The following COL5A2 variants were observed in gnomAD, a reference collection of about 807,000 sequenced individuals.
The protein encoded by COL5A2 is collagen alpha-2(V) chain.
In COL5A2, 23 loss-of-function variants were observed where a neutral mutation model predicts 208.2. The observed-to-expected ratio is 0.11, with a 90% CI of 0.08 to 0.16. COL5A2 has a LOEUF of 0.16. COL5A2 is among the 10% of genes least tolerant of loss of function. COL5A2 has a pLI of 1.00. For missense variants in COL5A2, 1,590 were observed against 1,956.4 expected, an observed-to-expected ratio of 0.81 and a Z score of 3.53; for synonymous variants, 625 against 628.5, an observed-to-expected ratio of 0.99 and a Z score of 0.08.
chr2:189,356,899 T>C, the COL5A2 span, among the ~76,000 whole-genome samples: 6 of 152,214 alleles, frequency 3.9e-5, no homozygotes, highest in African/African-American at 1.4e-4. Context: ...TTGATGTTGG[T>C]GACCTTCAGA....
chr2:189,068,544 G>A (rs999861289), intron 19 of COL5A2, among the ~76,000 whole-genome samples: 1 of 152,046 alleles, frequency 6.6e-6, no homozygotes, highest in African/African-American at 2.4e-5. Context: ...TTTCAAAATA[G>A]CTAGAAAAAG....
the COL5A2 span, among the ~76,000 whole-genome samples, chr2:189,285,985 G>A: frequency 2.0e-5 from 3 of 151,700 alleles, no homozygotes; most frequent in Non-Finnish European, 4.4e-5. Flanking sequence ...AAATGTCTCT[G>A]ACACTACCTT....
the COL5A2 span, among the ~76,000 whole-genome samples, chr2:189,395,702 G>A: frequency 6.6e-6 from 1 of 151,514 alleles, no homozygotes; most frequent in African/African-American, 2.4e-5. Flanking sequence ...TCAGGAGTTC[G>A]AAATCATCCT....
At chr2:189,206,456 A>G (rs1482526254) in intron 1 of COL5A2, among the ~76,000 whole-genome samples, 2 of 152,202 alleles carry the variant, frequency 1.3e-5, no homozygotes, top group Admixed American at 6.5e-5. Flanking sequence ...GCTGAGGCAC[A>G]AATAGTAGTT....
chr2:189,375,253 G>A, the COL5A2 span, among the ~76,000 whole-genome samples: 88,711 of 151,862 alleles, frequency 0.58, 27,071 homozygotes, highest in East Asian at 0.69. Flanking sequence ...TCCTGACCTC[G>A]TGATCCGCCC....
At position 189,039,265 on chromosome 2, in the gene COL5A2, T is replaced by C; in HGVS notation, c.3925+7A>G. 1 of 1,613,790 alleles carries C rather than the reference T, an allele frequency of 6.2e-7. No homozygotes were observed. Among genetic ancestry groups the C allele is most frequent in the East Asian group, 2.2e-5 (1 of 44,876 alleles). ...GGTTTTGCTCAAATGGGCTGCTGTC[T>C]ACTCACCACTCTGCTTTGCGGAATG... On this transcript the variant is annotated splice_region_variant and intron_variant, in intron 51 of 53. Coordinates refer to ENST00000374866, the MANE Select transcript of COL5A2 (RefSeq NM_000393.5).
At position 189,045,241 on chromosome 2, in the gene COL5A2, A is replaced by T; in HGVS notation, c.3310-9T>A. The T allele has an allele frequency of 6.2e-7, 1 of 1,601,694 alleles. No homozygotes were observed. Among genetic ancestry groups the T allele is most frequent in the Non-Finnish European group, 8.5e-7 (1 of 1,172,886 alleles). On this transcript the variant is annotated splice_polypyrimidine_tract_variant and intron_variant, in intron 46 of 53. Transcript: ENST00000374866. ...ATAGGACCCCGAGAACCCTAAAAGAAATTTACAACAAAAAAAATTGGCATG... is the reference window on the plus strand; with the variant it reads ...ATAGGACCCCGAGAACCCTAAAAGATATTTACAACAAAAAAAATTGGCATG...
the COL5A2 span, among the ~76,000 whole-genome samples, chr2:189,335,768 G>A: frequency 6.6e-6 from 1 of 152,008 alleles, no homozygotes; most frequent in African/African-American, 2.4e-5. Context: ...AAAGGAGAAT[G>A]AGGAGTGAGT....
chr2:189,411,662 TA>T, the COL5A2 span, among the ~76,000 whole-genome samples: 17 of 32,274 alleles, frequency 5.3e-4, 1 homozygote, highest in South Asian at 0.016. Context: ...AACATCTGAC[TA>T]TTACTGCAAG....
Position 189,052,769 on chromosome 2 carries a change from G to A in COL5A2, c.2695C>T (p.Arg899Ter). 2 of 1,614,028 alleles carry A rather than the reference G, an allele frequency of 1.2e-6. No individual in the cohort carries two copies. Among genetic ancestry groups the A allele is most frequent in the Non-Finnish European group, 1.7e-6 (2 of 1,180,004 alleles). ...CTTACAGGCGGACCTTGGGTTCCTC[G>A]ACCACCTTTTAGTCCAGGAACACCA... Reference protein sequence around the residue: ...PNGVPGLKGGRGTQGPPGATG... With the variant: ...PNGVPGLKGG Residue 899 changes from arginine to a stop codon, truncating the protein, a stop_gained, in exon 40 of 54, where the codon CGA becomes TGA. Coordinates refer to ENST00000374866, the MANE Select transcript of COL5A2 (RefSeq NM_000393.5). LOFTEE classifies it high-confidence loss of function.
At chr2:189,226,993 A>T (rs1689429339), upstream of COL5A2, among the ~76,000 whole-genome samples, 3 of 152,170 alleles carry the variant, frequency 2.0e-5, no homozygotes, top group South Asian at 6.2e-4. Context: ...GAACTTCTGA[A>T]AAAAGGAAAC....
chr2:189,181,445 G>A (rs758079763), upstream of COL5A2, among the ~76,000 whole-genome samples: 3 of 152,136 alleles, frequency 2.0e-5, no homozygotes, highest in African/African-American at 4.8e-5. Context: ...TCTTAGAGAG[G>A]CTAGGACTTG....
intron 1 of COL5A2, among the ~76,000 whole-genome samples, chr2:189,141,765 G>A (rs752828364): frequency 7.5e-4 from 114 of 152,178 alleles, no homozygotes; most frequent in Middle Eastern, 3.4e-3. Context: ...TAAGCAAACC[G>A]TCCTTTTAAT....
chr2:189,126,873 T>C (rs1173214857), intron 1 of COL5A2, among the ~76,000 whole-genome samples: 3 of 152,078 alleles, frequency 2.0e-5, no homozygotes. Flanking sequence ...CAACAAATAC[T>C]GAGTACCTAT....
At chr2:189,046,762 T>C (rs1685676534) in intron 45 of COL5A2, among the ~76,000 whole-genome samples, 1 of 150,906 alleles carries the variant, frequency 6.6e-6, no homozygotes, top group African/African-American at 2.4e-5. Context: ...AATTAGGTTA[T>C]AGAACAGACA....
intron 1 of COL5A2, among the ~76,000 whole-genome samples, chr2:189,168,237 G>GTT (rs34356887): frequency 0.044 from 6,102 of 139,588 alleles, 144 homozygotes; most frequent in African/African-American, 0.062. Flanking sequence ...CTGTGCCCGG[G>GTT]TTTTTTTTTT....
chr2:189,427,613 A>G, the COL5A2 span, among the ~76,000 whole-genome samples: 1 of 152,212 alleles, frequency 6.6e-6, no homozygotes, highest in South Asian at 2.1e-4. Flanking sequence ...CCAGCCCATG[A>G]GAGCAGCCAG....
Position 189,110,331 on chromosome 2 carries a change from G to A in COL5A2, c.216C>T (p.Asp72=). The part of the protein sequence containing the change: ...CVCDNGAILC[D]KIECQDVLDC... ...CCAGCACATCCTGGCATTCTATCTT[G>A]TCACAGAGAATGGCTCCATTGTCAC... The change falls in exon 2 of 54, where the codon GAC becomes GAT. Residue 72 remains aspartate, a synonymous_variant. Transcript: ENST00000374866. 6.2e-7 allele frequency: 1 copy of A among 1,614,068 alleles called. No individual in the cohort carries two copies. Among genetic ancestry groups the A allele is most frequent in the Non-Finnish European group, 8.5e-7 (1 of 1,179,938 alleles).
the COL5A2 span, among the ~76,000 whole-genome samples, chr2:189,392,598 C>T: frequency 7.2e-5 from 11 of 152,114 alleles, no homozygotes; most frequent in Non-Finnish European, 1.6e-4. Flanking sequence ...AAGAAAAATG[C>T]TTTCCTTCAT....
Sources: gnomAD v4.1 joint callset for allele counts (sites outside exome capture counted in the v4.1 genomes callset) on GRCh38, gnomAD v4.1.1 for gene constraint, MANE v1.5 for transcripts, NCBI Gene and HGNC (gene_info 2026-07-23, HGNC 2026-07-21) for gene names.